ITFG1: variants seen among roughly 807,000 people sequenced by gnomAD.
ITFG1 encodes T-cell immunomodulatory protein.
ITFG1 carries 34 observed loss-of-function variants against 81.8 expected under a neutral mutation model. That is an observed-to-expected ratio of 0.42 (90% CI 0.32 to 0.55). ITFG1 has a LOEUF of 0.55. Among genes scored for constraint, ITFG1 ranks in the 20% least tolerant of loss-of-function variants. The pLI is 0.17. For missense variants in ITFG1, 672 were observed against 755.4 expected, an observed-to-expected ratio of 0.89 and a Z score of 1.29; for synonymous variants, 285 against 270.6, an observed-to-expected ratio of 1.05 and a Z score of -0.52.
At chr16:47,456,836 C>G (rs1391957288) in intron 2 of ITFG1, among the ~76,000 whole-genome samples, 1 of 151,884 alleles carries the variant, frequency 6.6e-6, no homozygotes, top group Non-Finnish European at 1.5e-5. Context: ...GGAAATTCCC[C>G]ACATAGTAAG....
intron 6 of ITFG1, among the ~76,000 whole-genome samples, chr16:47,411,071 GA>G (rs1195654160): frequency 3.3e-5 from 5 of 152,194 alleles, no homozygotes; most frequent in Non-Finnish European, 7.3e-5. Flanking sequence ...GCTTTCCAGT[GA>G]CCCAGGGACA....
intron 2 of ITFG1, among the ~76,000 whole-genome samples, chr16:47,454,398 G>A (rs1969426571): frequency 6.6e-6 from 1 of 152,140 alleles, no homozygotes. Flanking sequence ...TATGTCGAGA[G>A]AAAACGTGTT....
chr16:47,287,503 C>A (rs138773086), intron 10 of ITFG1, among the ~76,000 whole-genome samples: 40 of 152,000 alleles, frequency 2.6e-4, no homozygotes, highest in Non-Finnish European at 4.6e-4. Flanking sequence ...TGGGCTCAAG[C>A]GATCCTCCTG....
intron 14 of ITFG1, chr16:47,196,317 T>G (rs1364022960): frequency 3.3e-5 from 5 of 152,120 alleles, no homozygotes; most frequent in African/African-American, 1.2e-4. Context: ...TTCACCTATT[T>G]CTTTTGCTCT....
In ITFG1 at chr16:47,182,690, C is replaced by T. The variant is rs985106818; in HGVS notation, c.1454-20026G>A. ...AACAGTATCATCTACTGCATGGATT[C>T]GGTGAGGAAATTACCAGATAATTAA... On this transcript the variant is annotated intron_variant, in intron 14 of 17. Coordinates refer to ENST00000320640, the MANE Select transcript of ITFG1 (RefSeq NM_030790.5). Among the ~76,000 whole-genome samples the T allele has an allele frequency of 7.2e-5, 11 of 152,164 alleles. No homozygotes were observed. In the East Asian group the frequency reaches 7.7e-4, roughly 11 times the overall value.
intron 7 of ITFG1, among the ~76,000 whole-genome samples, chr16:47,371,913 CT>C (rs367779096): frequency 0.068 from 9,765 of 143,050 alleles, 470 homozygotes; most frequent in African/African-American, 0.14. Flanking sequence ...GCCACTCTCT[CT>C]TTTTTTTTTT....
chr16:47,456,189 AG>A (rs1238965723), intron 2 of ITFG1, among the ~76,000 whole-genome samples: 12 of 152,186 alleles, frequency 7.9e-5, no homozygotes, highest in Non-Finnish European at 1.8e-4. Context: ...TGGGTGATAG[AG>A]AAAGACCCTG....
intron 12 of ITFG1, among the ~76,000 whole-genome samples, chr16:47,254,951 G>A (rs1301911568): frequency 6.6e-6 from 1 of 152,130 alleles, no homozygotes; most frequent in African/African-American, 2.4e-5. Flanking sequence ...GCGAGGCATG[G>A]CAGCACATGT....
At chr16:47,254,321 A>G (rs1234595831) in intron 12 of ITFG1, among the ~76,000 whole-genome samples, 1 of 152,190 alleles carries the variant, frequency 6.6e-6, no homozygotes, top group Admixed American at 6.5e-5. Context: ...TAAATGATCA[A>G]TATAAAAAAA....
intron 5 of ITFG1, among the ~76,000 whole-genome samples, chr16:47,444,944 A>G (rs1400964968): frequency 6.6e-6 from 1 of 152,016 alleles, no homozygotes; most frequent in African/African-American, 2.4e-5. Context: ...TCTCTCAACA[A>G]TAATGGATTT....
intron 14 of ITFG1, among the ~76,000 whole-genome samples, chr16:47,168,847 C>G (rs546304103): frequency 3.0e-4 from 45 of 152,226 alleles, no homozygotes; most frequent in African/African-American, 1.1e-3. Flanking sequence ...ATTTTGCAAT[C>G]TTACCCCTTA....
At position 47,364,721 on chromosome 16, in the gene ITFG1, T is replaced by G. The variant is rs143977517; in HGVS notation, c.802+1067A>C. Among the ~76,000 whole-genome samples the G allele has an allele frequency of 6.6e-5, 10 of 152,346 alleles. No homozygotes were observed. The East Asian group carries it at 1.9e-3, about 29-fold the overall frequency. On this transcript the variant is annotated intron_variant, in intron 8 of 17. Coordinates refer to ENST00000320640, the MANE Select transcript of ITFG1 (RefSeq NM_030790.5). ...ATAGAGATTCATGTTAAAATTTCCA[T>G]GATATGACATTATCAAACCTCCTGG...
At chr16:47,353,912 T>C (rs1480995784) in intron 8 of ITFG1, among the ~76,000 whole-genome samples, 1 of 152,144 alleles carries the variant, frequency 6.6e-6, no homozygotes, top group Non-Finnish European at 1.5e-5. Flanking sequence ...AGATACCCTG[T>C]GTTCATGAAT....
At chr16:47,305,647 T>A (rs950518268) in intron 10 of ITFG1, among the ~76,000 whole-genome samples, 4 of 152,040 alleles carry the variant, frequency 2.6e-5, no homozygotes, top group Non-Finnish European at 4.4e-5. Context: ...ACATAAGAGG[T>A]TACCTGCAAT....
At chr16:47,187,178 C>A (rs1351666599) in intron 14 of ITFG1, among the ~76,000 whole-genome samples, 1 of 152,140 alleles carries the variant, frequency 6.6e-6, no homozygotes, top group East Asian at 1.9e-4. Flanking sequence ...TGAAAATGGC[C>A]ATACTGCCCA....
chr16:47,435,267 T>C (rs1969151112), intron 5 of ITFG1, among the ~76,000 whole-genome samples: 1 of 152,240 alleles, frequency 6.6e-6, no homozygotes, highest in Non-Finnish European at 1.5e-5. Flanking sequence ...TTCAAGCAAC[T>C]GAACTCACAT....
At chr16:47,398,087 GT>G (rs1305084166) in intron 6 of ITFG1, among the ~76,000 whole-genome samples, 1 of 152,148 alleles carries the variant, frequency 6.6e-6, no homozygotes, top group East Asian at 1.9e-4. Context: ...GACACATCAT[GT>G]CCCACATTTG....
chr16:47,430,277 A>C (rs191959584), intron 5 of ITFG1, among the ~76,000 whole-genome samples: 11 of 151,022 alleles, frequency 7.3e-5, no homozygotes, highest in Non-Finnish European at 1.5e-4. Flanking sequence ...TGTTGGCCAG[A>C]CTGGTCTTGA....
intron 6 of ITFG1, among the ~76,000 whole-genome samples, chr16:47,401,086 G>A (rs1043628693): frequency 6.6e-6 from 1 of 152,174 alleles, no homozygotes; most frequent in Admixed American, 6.5e-5. Context: ...CGAATCCAGA[G>A]TAGCTGCAAT....
Sources: allele counts gnomAD v4.1 joint callset (sites outside exome capture counted in the v4.1 genomes callset), GRCh38; gene constraint gnomAD v4.1.1; transcripts MANE v1.5; gene names NCBI Gene and HGNC (gene_info 2026-07-23, HGNC 2026-07-21).